CTNNA3: variants seen among roughly 807,000 people sequenced by gnomAD.
CTNNA3 encodes catenin alpha-3.
In CTNNA3, 76 loss-of-function variants were observed where a neutral mutation model predicts 95.7. That is an observed-to-expected ratio of 0.79 (90% CI 0.66 to 0.96). The LOEUF is 0.96. Ranked by LOEUF, CTNNA3 falls within the 40% of genes least tolerant of loss-of-function variation. The pLI is 0.00. For synonymous variants in CTNNA3, 431 were observed against 374.4 expected (o/e 1.15, Z -1.74); for missense variants, 1,191 against 1,089.8 (o/e 1.09, Z -1.31).
At chr10:66,369,079 A>T (rs1363242348) in intron 12 of CTNNA3, among the ~76,000 whole-genome samples, 1 of 152,154 alleles carries the variant, frequency 6.6e-6, no homozygotes, top group African/African-American at 2.4e-5. Flanking sequence ...GATCACCAGA[A>T]TATATTACAT....
intron 11 of CTNNA3, among the ~76,000 whole-genome samples, chr10:66,505,456 A>C (rs1297213441): frequency 6.6e-6 from 1 of 152,174 alleles, no homozygotes; most frequent in Non-Finnish European, 1.5e-5. Flanking sequence ...TGAAAATGTA[A>C]TCACAGATGA....
intron 8 of CTNNA3, among the ~76,000 whole-genome samples, chr10:66,767,746 T>A (rs1478086001): frequency 3.3e-5 from 5 of 152,214 alleles, no homozygotes; most frequent in Non-Finnish European, 7.3e-5. Context: ...TACTGTCTTC[T>A]ATAATGATCA....
chr10:67,402,059 AC>A (rs1057193394), intron 5 of CTNNA3, among the ~76,000 whole-genome samples: 1 of 152,210 alleles, frequency 6.6e-6, no homozygotes, highest in African/African-American at 2.4e-5. Context: ...AAATGAGCCC[AC>A]TAGCTCCCCA....
intron 5 of CTNNA3, among the ~76,000 whole-genome samples, chr10:67,368,603 A>C (rs559202038): frequency 7.7e-4 from 118 of 152,348 alleles, no homozygotes; most frequent in Middle Eastern, 6.8e-3. Context: ...CTAAAACTGG[A>C]AACAACCCAA....
chr10:67,351,199 G>T (rs888907798), intron 5 of CTNNA3, among the ~76,000 whole-genome samples: 29 of 151,812 alleles, frequency 1.9e-4, no homozygotes, highest in African/African-American at 6.5e-4. Context: ...AGGTGTTAAA[G>T]GTATGGGGAA....
intron 15 of CTNNA3, among the ~76,000 whole-genome samples, chr10:66,030,140 C>G (rs2079421445): frequency 6.6e-6 from 1 of 152,152 alleles, no homozygotes; most frequent in Non-Finnish European, 1.5e-5. Context: ...AATGGCCATA[C>G]TGCCCAAAGC....
At chr10:66,141,299 T>A (rs1396296128) in intron 13 of CTNNA3, among the ~76,000 whole-genome samples, 1 of 151,592 alleles carries the variant, frequency 6.6e-6, no homozygotes, top group Non-Finnish European at 1.5e-5. Flanking sequence ...AAGAAAAATT[T>A]CTGAGAAAAT....
intron 17 of CTNNA3, among the ~76,000 whole-genome samples, chr10:65,940,509 C>G (rs1270116084): frequency 6.6e-6 from 1 of 152,168 alleles, no homozygotes; most frequent in Non-Finnish European, 1.5e-5. Context: ...CTGACTCTTT[C>G]ATATCACTGA....
chr10:66,688,947 G>C (rs910530432), intron 9 of CTNNA3, among the ~76,000 whole-genome samples: 1 of 143,798 alleles, frequency 7.0e-6, no homozygotes, highest in African/African-American at 2.6e-5. Flanking sequence ...CTGGGCCACA[G>C]AGCAAGACTC....
chr10:67,347,154 A>G (rs1459208233), intron 5 of CTNNA3, among the ~76,000 whole-genome samples: 2 of 151,366 alleles, frequency 1.3e-5, no homozygotes, highest in African/African-American at 4.9e-5. Context: ...GGCTCAAGCG[A>G]TTCTCTAGCC....
At chr10:66,242,291 GA>G (rs2090143762) in intron 13 of CTNNA3, among the ~76,000 whole-genome samples, 1 of 151,948 alleles carries the variant, frequency 6.6e-6, no homozygotes, top group Non-Finnish European at 1.5e-5. Flanking sequence ...TACAAAGAGA[GA>G]AAAAAACAGC....
intron 5 of CTNNA3, among the ~76,000 whole-genome samples, chr10:67,434,623 T>C (rs1203456470): frequency 3.9e-5 from 6 of 151,966 alleles, no homozygotes; most frequent in Non-Finnish European, 5.9e-5. Flanking sequence ...ATAAAGAAAT[T>C]GCTCAATTAG....
Position 66,427,316 on chromosome 10 carries a change from C to CT in CTNNA3, c.1532-47965dup, listed in dbSNP as rs11311804. Among the ~76,000 whole-genome samples, 389 of 149,230 alleles carry CT rather than the reference C, an allele frequency of 2.6e-3. 2 individuals carry two copies. The highest frequency in any genetic ancestry group is 0.017 in the South Asian group (80 of 4,724). On this transcript the variant is annotated intron_variant, in intron 11 of 17. Transcript: ENST00000433211. Reference sequence around the variant, plus strand: ...TCCTTGCTACTTATTTTCTTTTAAACTTTTTTTTTTGTATTTCTATATGGA... The same window carrying CT: ...TCCTTGCTACTTATTTTCTTTTAAACTTTTTTTTTTTGTATTTCTATATGGA...
At chr10:67,444,513 C>G (rs554108099) in intron 5 of CTNNA3, among the ~76,000 whole-genome samples, 2 of 151,750 alleles carry the variant, frequency 1.3e-5, no homozygotes, top group South Asian at 4.2e-4. Flanking sequence ...AAACCAAACC[C>G]AAAATTAGTA....
At chr10:67,700,266 G>A (rs948390206), upstream of CTNNA3, among the ~76,000 whole-genome samples, 1 of 152,212 alleles carries the variant, frequency 6.6e-6, no homozygotes, top group South Asian at 2.1e-4. Context: ...GCTTTGAAGA[G>A]AGCAGTGGTT....
At chr10:66,938,821 A>G (rs1246852528) in intron 7 of CTNNA3, among the ~76,000 whole-genome samples, 3 of 152,234 alleles carry the variant, frequency 2.0e-5, no homozygotes, top group Non-Finnish European at 4.4e-5. Context: ...GCTACAAAAA[A>G]TTGAGACAAA....
intron 3 of CTNNA3, among the ~76,000 whole-genome samples, chr10:67,559,332 G>A (rs879131269): frequency 6.6e-6 from 1 of 152,256 alleles, no homozygotes; most frequent in African/African-American, 2.4e-5. Flanking sequence ...CACGGTTCAC[G>A]AAAATACGCT....
Position 66,716,421 on chromosome 10 carries a change from T to C in CTNNA3, c.1281+49843A>G, listed in dbSNP as rs117479332. ...CACCTGCTGCAAAATAAGATGTTCA[T>C]CTCTCATATTGACAGCAGTTCAAAC... On this transcript the variant is annotated intron_variant, in intron 9 of 17. Coordinates refer to ENST00000433211, the MANE Select transcript of CTNNA3 (RefSeq NM_013266.4). Among the ~76,000 whole-genome samples, 5 of 152,288 alleles carry C rather than the reference T, an allele frequency of 3.3e-5. No homozygotes were observed. The East Asian group carries it at 5.8e-4, about 18-fold the overall frequency.
intron 2 of CTNNA3, among the ~76,000 whole-genome samples, chr10:67,641,192 C>T (rs551594686): frequency 2.0e-3 from 301 of 152,160 alleles, no homozygotes; most frequent in Middle Eastern, 0.014. Context: ...AAAAAGTGGG[C>T]AAAGGATATG....
Sources: allele counts gnomAD v4.1 joint callset (sites outside exome capture counted in the v4.1 genomes callset), GRCh38; gene constraint gnomAD v4.1.1; transcripts MANE v1.5; gene names NCBI Gene and HGNC (gene_info 2026-07-23, HGNC 2026-07-21).